ELAPOR2: variants seen among roughly 807,000 people sequenced by gnomAD.
ELAPOR2 encodes the protein endosome-lysosome associated apoptosis and autophagy regulator family member 2.
Under a neutral mutation model 120.7 loss-of-function variants are expected in ELAPOR2, and 89 were observed. The ratio of observed to expected loss-of-function variants is 0.74; its 90% CI spans 0.62 to 0.88. The LOEUF is 0.88. Ranked by LOEUF, ELAPOR2 falls within the 40% of genes least tolerant of loss-of-function variation. The probability of loss-of-function intolerance (pLI) is 0.00; values close to 1 mark genes in which losing one functional copy is unlikely to be tolerated. For synonymous variants in ELAPOR2, 444 were observed against 444.9 expected (o/e 1.00, Z 0.03); for missense variants, 1,134 against 1,251.6 (o/e 0.91, Z 1.42).
In ELAPOR2 at chr7:86,938,187, C is replaced by T. The variant is rs907653433; in HGVS notation, c.1028G>A (p.Arg343His). The T allele has an allele frequency of 6.4e-6, 10 of 1,551,122 alleles. No homozygotes were observed. The highest frequency in any genetic ancestry group is 2.7e-5 in the African/African-American group (2 of 72,998). ...ATAGTCTTTTGTGGTACAGGGAGGG[C>T]GCTCTGTACACTCACTGGATCCTTC... ...SEEGSSECTE[R>H]PPCTTKDYFQ... Residue 343 changes from arginine (R) to histidine (H), a missense_variant, in exon 8 of 22, where the codon CGC becomes CAC. Around this residue, in one of 3 missense-constraint regions of ELAPOR2, gnomAD observed 831 missense variants for 867.6 expected, o/e 0.96. Transcript: ENST00000450689.
At chr7:87,006,277 G>C (rs1338811918) in intron 1 of ELAPOR2, among the ~76,000 whole-genome samples, 1 of 150,034 alleles carries the variant, frequency 6.7e-6, no homozygotes, top group Admixed American at 6.7e-5. Flanking sequence ...AATTACAGAA[G>C]TAATTTAATC....
At chr7:86,954,481 AAT>A (rs1791392010) in intron 2 of ELAPOR2, among the ~76,000 whole-genome samples, 1 of 152,146 alleles carries the variant, frequency 6.6e-6, no homozygotes. Flanking sequence ...TTATTACTAA[AAT>A]ATGTTTTCTA....
chr7:86,952,324 G>A (rs1791290191), intron 2 of ELAPOR2, among the ~76,000 whole-genome samples: 1 of 152,198 alleles, frequency 6.6e-6, no homozygotes, highest in South Asian at 2.1e-4. Flanking sequence ...CTGAGCCACA[G>A]TGCATTTAAA....
chr7:87,015,641 A>T (rs1413810413), intron 1 of ELAPOR2, among the ~76,000 whole-genome samples: 2 of 151,888 alleles, frequency 1.3e-5, no homozygotes, highest in African/African-American at 4.8e-5. Flanking sequence ...ACAAAACATT[A>T]CTTGGGCATG....
intron 1 of ELAPOR2, among the ~76,000 whole-genome samples, chr7:87,031,577 T>A (rs1382341381): frequency 6.6e-6 from 1 of 152,176 alleles, no homozygotes; most frequent in Non-Finnish European, 1.5e-5. Flanking sequence ...AGAACAGCGT[T>A]AAATACTGAA....
At chr7:86,984,159 A>C (rs983035716) in intron 1 of ELAPOR2, among the ~76,000 whole-genome samples, 7 of 152,192 alleles carry the variant, frequency 4.6e-5, no homozygotes, top group Admixed American at 2.6e-4. Context: ...TATGCACCTA[A>C]TACAGGAGCA....
intron 2 of ELAPOR2, among the ~76,000 whole-genome samples, chr7:86,956,593 G>A (rs1163486884): frequency 1.3e-5 from 2 of 152,196 alleles, no homozygotes; most frequent in East Asian, 3.8e-4. Flanking sequence ...ACCACAGATA[G>A]TAATCCCCGT....
chr7:87,008,892 T>C (rs1793567561), intron 1 of ELAPOR2, among the ~76,000 whole-genome samples: 1 of 152,168 alleles, frequency 6.6e-6, no homozygotes, highest in Non-Finnish European at 1.5e-5. Context: ...TTAAAATTTT[T>C]TAATGAAAAT....
At position 86,878,124 on chromosome 7, in the gene ELAPOR2, G is replaced by A. The variant is rs1799240112; in HGVS notation, c.*2347C>T. 1 of 152,238 alleles carries A rather than the reference G, an allele frequency of 6.6e-6. No homozygotes were observed. Among genetic ancestry groups the A allele is most frequent in the East Asian group, 1.9e-4 (1 of 5,186 alleles). The allele number at this position is 152,238 out of a possible 1,614,324, so 9.4% of individuals were successfully genotyped here. ...ATAACTTCTTCTACCACTTAGGGGG[G>A]AAAAGGAACAAGTGTCAATCAAAAG... On this transcript the variant is annotated 3_prime_UTR_variant, in exon 22 of 22. Transcript: ENST00000450689.
chr7:86,983,441 G>GT (rs201395571), intron 1 of ELAPOR2, among the ~76,000 whole-genome samples: 17,369 of 152,118 alleles, frequency 0.11, 1,243 homozygotes, highest in Non-Finnish European at 0.16. Flanking sequence ...CAGAGAGAAG[G>GT]TCGGGTTACC....
intron 12 of ELAPOR2, among the ~76,000 whole-genome samples, chr7:86,917,688 A>C (rs1789629183): frequency 1.3e-5 from 2 of 152,150 alleles, no homozygotes; most frequent in Admixed American, 1.3e-4. Context: ...TTCAGAAACA[A>C]AGTCTGCCTT....
chr7:86,992,386 G>A lies in ELAPOR2; in HGVS notation c.190-27362C>T, dbSNP rs370674164. ...TTTGAGGCTGTAGTGAGCTATGATCGTGCCACTGCACTCCAGCATGGGCAA... is the reference window on the plus strand; with the variant it reads ...TTTGAGGCTGTAGTGAGCTATGATCATGCCACTGCACTCCAGCATGGGCAA... On this transcript the variant is annotated intron_variant, in intron 1 of 21. Coordinates refer to ENST00000450689, the MANE Select transcript of ELAPOR2 (RefSeq NM_001142749.3). Among the ~76,000 whole-genome samples the A allele has an allele frequency of 2.2e-3, 329 of 152,228 alleles. 1 individual carries two copies. Among genetic ancestry groups the A allele is most frequent in the South Asian group, 0.012 (56 of 4,824 alleles).
chr7:86,905,076 AAGGAAGG>A (rs1788915682), intron 18 of ELAPOR2, among the ~76,000 whole-genome samples: 4 of 69,026 alleles, frequency 5.8e-5, no homozygotes, highest in Non-Finnish European at 9.3e-5. Flanking sequence ...AGAGAGAAGG[AAGGAAGG>A]AAGGAAGGAA....
intron 8 of ELAPOR2, among the ~76,000 whole-genome samples, chr7:86,929,429 C>T (rs1362789874): frequency 6.6e-6 from 1 of 151,944 alleles, no homozygotes; most frequent in East Asian, 1.9e-4. Flanking sequence ...GCCAAGCAGG[C>T]AATTTCTTAT....
At chr7:87,044,512 T>C (rs1186793559) in intron 1 of ELAPOR2, among the ~76,000 whole-genome samples, 2 of 138,904 alleles carry the variant, frequency 1.4e-5, no homozygotes, top group Admixed American at 7.3e-5. Context: ...GGGGAAAGGA[T>C]TCCCTATTTA....
chr7:86,891,972 C>T (rs1202313701), intron 20 of ELAPOR2, 83 bp from the exon 21 acceptor site: 1 of 893,286 alleles, frequency 1.1e-6, no homozygotes, highest in South Asian at 2.1e-5. Context: ...GGTAATATAC[C>T]AGCTCATTAA....
At chr7:86,889,694 G>T (rs1788042867) in intron 21 of ELAPOR2, among the ~76,000 whole-genome samples, 1 of 152,028 alleles carries the variant, frequency 6.6e-6, no homozygotes, top group Admixed American at 6.6e-5. Context: ...TTGACGGTGG[G>T]TAACTAAAAC....
At chr7:86,908,599 G>T in intron 16 of ELAPOR2, 56 bp from the exon 17 acceptor site, 1 of 772,672 alleles carries the variant, frequency 1.3e-6, no homozygotes, top group Non-Finnish European at 2.1e-6. Context: ...GTTTTATTTG[G>T]TCTCCGTAGT....
At chr7:87,021,628 C>G (rs1794043539) in intron 1 of ELAPOR2, among the ~76,000 whole-genome samples, 1 of 152,122 alleles carries the variant, frequency 6.6e-6, no homozygotes. Flanking sequence ...CTGGTAAGAA[C>G]ATGTATTTTA....
Sources: gnomAD v4.1 joint callset for allele counts (sites outside exome capture counted in the v4.1 genomes callset) on GRCh38, gnomAD v4.1.1 for gene constraint, gnomAD v4.1.1 regional missense constraint, MANE v1.5 for transcripts, NCBI Gene and HGNC (gene_info 2026-07-23, HGNC 2026-07-21) for gene names.